Variants in SYN3 observed in about 807,000 individuals in gnomAD.
The protein encoded by SYN3 is synapsin-3.
A neutral mutation model predicts 65.8 loss-of-function variants in SYN3; 35 were observed. That is an observed-to-expected ratio of 0.53 (90% CI 0.41 to 0.70). The LOEUF (loss-of-function observed/expected upper bound fraction) is 0.70. Ranked by LOEUF, SYN3 falls within the 30% of genes least tolerant of loss-of-function variation. The pLI is 0.00. For synonymous variants in SYN3, 270 were observed against 292.9 expected, an observed-to-expected ratio of 0.92 and a Z score of 0.80; for missense variants, 680 against 749.0, an observed-to-expected ratio of 0.91 and a Z score of 1.08.
chr22:33,045,459 CTTTTTT>C (rs745442160), intron 1 of SYN3, among the ~76,000 whole-genome samples: 8 of 84,694 alleles, frequency 9.4e-5, no homozygotes, highest in African/African-American at 2.6e-4. Context: ...GCTCTACTTT[CTTTTTT>C]TTTTTTTTTT....
At chr22:32,809,220 T>G (rs547965241) in intron 6 of SYN3, among the ~76,000 whole-genome samples, 66 of 152,308 alleles carry the variant, frequency 4.3e-4, no homozygotes, top group Non-Finnish European at 8.1e-4. Context: ...CAACCTATAC[T>G]TGCTTAGCCT....
chr22:32,839,935 A>T (rs1206241612), intron 6 of SYN3, among the ~76,000 whole-genome samples: 1 of 151,950 alleles, frequency 6.6e-6, no homozygotes, highest in Non-Finnish European at 1.5e-5. Flanking sequence ...CAGACCGCTC[A>T]AGCAGAAACC....
Position 32,971,076 on chromosome 22 carries a change from A to T in SYN3, c.369+9569T>A, listed in dbSNP as rs565938600. Among the ~76,000 whole-genome samples, 125 of 152,350 alleles carry T rather than the reference A, an allele frequency of 8.2e-4. 1 individual carries two copies. The highest frequency in any genetic ancestry group is 3.0e-3 in the African/African-American group (125 of 41,580). On this transcript the variant is annotated intron_variant, in intron 3 of 13. Coordinates refer to ENST00000358763, the MANE Select transcript of SYN3 (RefSeq NM_003490.4). Reference sequence around the variant, plus strand: ...TGAGTTACTGCATGGAAAACACTTAATGCGGCACCTAGCAAATAGTAAATG... The same window carrying T: ...TGAGTTACTGCATGGAAAACACTTATTGCGGCACCTAGCAAATAGTAAATG...
chr22:32,659,909 C>A (rs1361170233), intron 6 of SYN3, among the ~76,000 whole-genome samples: 2 of 152,190 alleles, frequency 1.3e-5, no homozygotes, highest in African/African-American at 2.4e-5. Flanking sequence ...ACAATACAGG[C>A]AATACCTAAA....
At chr22:32,668,794 C>T (rs2060324927) in intron 6 of SYN3, among the ~76,000 whole-genome samples, 3 of 152,254 alleles carry the variant, frequency 2.0e-5, no homozygotes, top group African/African-American at 7.2e-5. Flanking sequence ...CCCGTGCACT[C>T]CTGGACCTGC....
intron 9 of SYN3, among the ~76,000 whole-genome samples, chr22:32,537,411 G>A (rs1040934616): frequency 7.9e-5 from 12 of 151,990 alleles, no homozygotes; most frequent in African/African-American, 2.7e-4. Flanking sequence ...TGCCCGCCTC[G>A]GCCTCCCAAA....
chr22:32,997,083 A>G (rs1328849584), intron 2 of SYN3, among the ~76,000 whole-genome samples: 4 of 152,212 alleles, frequency 2.6e-5, no homozygotes, highest in South Asian at 2.1e-4. Context: ...GGGGAGTGGC[A>G]TAAGAACTGC....
chr22:32,880,524 A>C (rs894665970), intron 4 of SYN3, among the ~76,000 whole-genome samples: 1 of 151,830 alleles, frequency 6.6e-6, no homozygotes, highest in African/African-American at 2.4e-5. Context: ...TCAGTCACTG[A>C]CCCCCTGGTG....
chr22:32,932,224 C>T (rs1440336961), intron 3 of SYN3, among the ~76,000 whole-genome samples: 1 of 150,568 alleles, frequency 6.6e-6, no homozygotes, highest in African/African-American at 2.4e-5. Flanking sequence ...TCTCTATTAA[C>T]GGACCCACCC....
chr22:32,958,400 T>C (rs1238221729), intron 3 of SYN3, among the ~76,000 whole-genome samples: 1 of 152,170 alleles, frequency 6.6e-6, no homozygotes, highest in African/African-American at 2.4e-5. Context: ...GTGATGACAA[T>C]AATTATCCCA....
Position 32,846,722 on chromosome 22 carries a change from T to C in SYN3, c.711+18193A>G, listed in dbSNP as rs533476629. 9.9e-5 allele frequency among the ~76,000 whole-genome samples: 15 copies of C among 152,214 alleles called. No homozygotes were observed. The East Asian group carries it at 2.3e-3, about 24-fold the overall frequency. On this transcript the variant is annotated intron_variant, in intron 6 of 13. Transcript: ENST00000358763. ...ATGCAATGCTATGTTGCTGCTCCAA[T>C]AGTAATAAGCAAATCACTTGTTAGC... is the stretch of plus-strand genomic sequence containing the variant.
At chr22:32,935,890 T>G (rs1450102671) in intron 3 of SYN3, among the ~76,000 whole-genome samples, 1 of 152,256 alleles carries the variant, frequency 6.6e-6, no homozygotes, top group African/African-American at 2.4e-5. Flanking sequence ...AATATCAATT[T>G]TGATATCTTT....
intron 1 of SYN3, among the ~76,000 whole-genome samples, chr22:33,032,504 CAAAA>C (rs111721615): frequency 7.5e-6 from 1 of 132,454 alleles, no homozygotes; most frequent in Admixed American, 7.7e-5. Context: ...GACTCCATCT[CAAAA>C]AAAAAAAAAG....
intron 7 of SYN3, among the ~76,000 whole-genome samples, chr22:32,588,863 C>A (rs1459894574): frequency 1.3e-5 from 2 of 152,142 alleles, no homozygotes; most frequent in Admixed American, 1.3e-4. Context: ...TGATGACTGG[C>A]TGAACCAGGG....
intron 10 of SYN3, 100 bp from the exon 11 acceptor site, chr22:32,529,108 T>A: frequency 2.1e-6 from 3 of 1,463,206 alleles, no homozygotes; most frequent in Non-Finnish European, 9.4e-7. Context: ...AGGACAGAAG[T>A]GACCACCAGA....
At chr22:33,053,477 A>G (rs1287732988) in intron 1 of SYN3, among the ~76,000 whole-genome samples, 2 of 152,176 alleles carry the variant, frequency 1.3e-5, no homozygotes, top group East Asian at 3.8e-4. Context: ...TTTGAAAGAC[A>G]GGCTGTTGGG....
At chr22:32,751,509 G>A (rs908747898) in intron 6 of SYN3, among the ~76,000 whole-genome samples, 1 of 152,192 alleles carries the variant, frequency 6.6e-6, no homozygotes, top group Non-Finnish European at 1.5e-5. Context: ...CTTGGGCAAG[G>A]TGTGTCTCTG....
chr22:32,807,090 C>T (rs1569239294), intron 6 of SYN3, among the ~76,000 whole-genome samples: 2 of 150,814 alleles, frequency 1.3e-5, no homozygotes, highest in Non-Finnish European at 1.5e-5. Context: ...CCAGCTGGGA[C>T]CCAGTCTCCT....
At chr22:33,030,867 A>T (rs1232268965) in intron 1 of SYN3, among the ~76,000 whole-genome samples, 2 of 152,188 alleles carry the variant, frequency 1.3e-5, no homozygotes, top group Admixed American at 1.3e-4. Context: ...ACAGAGATAC[A>T]TAGAGACAAA....
Sources: gnomAD v4.1 joint callset for allele counts (sites outside exome capture counted in the v4.1 genomes callset) on GRCh38, gnomAD v4.1.1 for gene constraint, MANE v1.5 for transcripts, NCBI Gene and HGNC (gene_info 2026-07-23, HGNC 2026-07-21) for gene names.